The following UBE2E1 variants were observed in gnomAD, a reference collection of about 807,000 sequenced individuals.
UBE2E1 encodes ubiquitin conjugating enzyme E2 E1, also known as ubiquitin-conjugating enzyme E2 E1.
In UBE2E1, 6 loss-of-function variants were observed where a neutral mutation model predicts 21.4. The observed-to-expected ratio is 0.28, with a 90% CI of 0.15 to 0.55. The LOEUF is 0.55. Among genes scored for constraint, UBE2E1 ranks in the 20% least tolerant of loss-of-function variants. UBE2E1 has a pLI of 0.93. For missense variants in UBE2E1, 142 were observed against 236.5 expected (o/e 0.60, Z 2.62); for synonymous variants, 87 against 82.7 (o/e 1.05, Z -0.28).
In UBE2E1 at chr3:23,816,893, G is replaced by A. The variant is rs1435895612; in HGVS notation, c.203+5383G>A. Among the ~76,000 whole-genome samples, 1 of 152,160 alleles carries A rather than the reference G, an allele frequency of 6.6e-6. No individual in the cohort carries two copies. Among genetic ancestry groups the A allele is most frequent in the Non-Finnish European group, 1.5e-5 (1 of 68,016 alleles). On this transcript the variant is annotated intron_variant, in intron 3 of 5. Coordinates refer to ENST00000306627, the MANE Select transcript of UBE2E1 (RefSeq NM_003341.5). This position sits in a 1 kb window ranked among gnomAD's most constrained non-coding sequence, Gnocchi z 4.8. Reference sequence around the variant, plus strand: ...TTAATGAATACAGTTTCTTTTTGAGGTGGTGAAAGTTTTGGAAATAATGGT... The same window carrying A: ...TTAATGAATACAGTTTCTTTTTGAGATGGTGAAAGTTTTGGAAATAATGGT...
chr3:23,880,228 C>A (rs1044367771), intron 3 of UBE2E1, among the ~76,000 whole-genome samples: 1 of 152,136 alleles, frequency 6.6e-6, no homozygotes, highest in Non-Finnish European at 1.5e-5. Flanking sequence ...ACTAAAAATA[C>A]AAAAATTAGC....
At chr3:23,881,217 TAGAA>T (rs1391462251) in intron 3 of UBE2E1, among the ~76,000 whole-genome samples, 2 of 152,220 alleles carry the variant, frequency 1.3e-5, no homozygotes. Flanking sequence ...GAATCCTTTA[TAGAA>T]AGAAGAAAAT....
Position 23,887,766 on chromosome 3 carries a change from TA to T in UBE2E1, c.336+70del. The T allele has an allele frequency of 6.5e-7, 1 of 1,533,382 alleles. No individual in the cohort carries two copies. Among genetic ancestry groups the T allele is most frequent in the Admixed American group, 2.3e-5 (1 of 44,050 alleles). 95.0% of individuals were successfully genotyped at this position (1,533,382 alleles called of 1,614,324 possible). ...AAGAGAGCAACTGTTGAGGTTTTTC[TA>T]AATTTAATTTTTAATCACAGAAACT... On this transcript the variant is annotated intron_variant, in intron 4 of 5. Transcript: ENST00000306627. The surrounding 1 kb of genome is among the most constrained non-coding windows in gnomAD (Gnocchi z 4.4).
chr3:23,851,715 TC>T (rs1700328510), intron 3 of UBE2E1, among the ~76,000 whole-genome samples: 1 of 152,018 alleles, frequency 6.6e-6, no homozygotes, highest in Admixed American at 6.6e-5. Flanking sequence ...GGTGGGAAGA[TC>T]AGTTGAGCCC....
At chr3:23,889,424 G>A (rs1559497171) in intron 5 of UBE2E1, 165 bp downstream of exon 5, 20 of 1,467,520 alleles carry the variant, frequency 1.4e-5, no homozygotes, top group Middle Eastern at 3.6e-4. Flanking sequence ...TCTACTAGTT[G>A]AGACACACAA....
chr3:23,820,266 C>T (rs1699618848), intron 3 of UBE2E1, among the ~76,000 whole-genome samples: 1 of 152,190 alleles, frequency 6.6e-6, no homozygotes, highest in Non-Finnish European at 1.5e-5. Context: ...TGCTTCTAAT[C>T]CTCTGGGAAA....
chr3:23,858,525 G>T (rs1700486956), intron 3 of UBE2E1, among the ~76,000 whole-genome samples: 1 of 152,016 alleles, frequency 6.6e-6, no homozygotes, highest in South Asian at 2.1e-4. Context: ...TCGCCATGTT[G>T]GTCAGGCTGG....
Position 23,876,913 on chromosome 3 carries a change from G to T in UBE2E1, c.204-10654G>T, listed in dbSNP as rs1157660996. Among the ~76,000 whole-genome samples the T allele has an allele frequency of 6.6e-6, 1 of 152,150 alleles. No individual in the cohort carries two copies. Among genetic ancestry groups the T allele is most frequent in the East Asian group, 1.9e-4 (1 of 5,200 alleles). ...TTAAAAATTAGCCAGGTGTGGTGATGCACGCCTGTAATCCTAGCAACTCAG... is the reference window on the plus strand; with the variant it reads ...TTAAAAATTAGCCAGGTGTGGTGATTCACGCCTGTAATCCTAGCAACTCAG... On this transcript the variant is annotated intron_variant, in intron 3 of 5. Coordinates refer to ENST00000306627, the MANE Select transcript of UBE2E1 (RefSeq NM_003341.5). The surrounding 1 kb of genome is among the most constrained non-coding windows in gnomAD (Gnocchi z 4.3).
At chr3:23,845,200 T>C (rs1163170375) in intron 3 of UBE2E1, among the ~76,000 whole-genome samples, 1 of 152,180 alleles carries the variant, frequency 6.6e-6, no homozygotes, top group Non-Finnish European at 1.5e-5. Context: ...GACAATAAAC[T>C]AAAGCAAATT....
chr3:23,824,244 T>G (rs936193547), intron 3 of UBE2E1, among the ~76,000 whole-genome samples: 1 of 152,198 alleles, frequency 6.6e-6, no homozygotes, highest in Non-Finnish European at 1.5e-5. Context: ...AGCCCAGACT[T>G]ATTTGTTATG....
chr3:23,869,934 T>C (rs1559490571), intron 3 of UBE2E1, among the ~76,000 whole-genome samples: 1 of 152,220 alleles, frequency 6.6e-6, no homozygotes, highest in East Asian at 1.9e-4. Context: ...CAAAAACCAC[T>C]ATTTTTTATT....
rs138969433 is a variant in UBE2E1, at chr3:23,854,982, T to A, written c.204-32585T>A. Among the ~76,000 whole-genome samples, 729 of 152,334 alleles carry A rather than the reference T, an allele frequency of 4.8e-3. 2 individuals are homozygous for A. The highest frequency in any genetic ancestry group is 0.016 in the African/African-American group (683 of 41,574). On this transcript the variant is annotated intron_variant, in intron 3 of 5. Transcript: ENST00000306627. The stretch of plus-strand genomic sequence containing the variant: ...ACTGACAGGTTAGGATTCTCAAGTG[T>A]AATTTTTTATTACTTTAGAGCCGTA...
Position 23,823,403 on chromosome 3 carries a change from T to C in UBE2E1, c.203+11893T>C. ...TTGGAATCACAAAAGCATTAGGTGC[T>C]GAACTGCCAGAGACAAGCAACAAAT... On this transcript the variant is annotated intron_variant, in intron 3 of 5. Transcript: ENST00000306627. This position sits in a 1 kb window ranked among gnomAD's most constrained non-coding sequence, Gnocchi z 4.2. Among the ~76,000 whole-genome samples the C allele has an allele frequency of 6.6e-6, 1 of 152,236 alleles. No individual in the cohort carries two copies. Among genetic ancestry groups the C allele is most frequent in the East Asian group, 1.9e-4 (1 of 5,200 alleles).
chr3:23,807,350 C>T lies in UBE2E1; in HGVS notation c.81C>T (p.Asn27=). The change falls in exon 2 of 6, where the codon AAC becomes AAT. Residue 27 remains asparagine, a synonymous_variant. Coordinates refer to ENST00000306627, the MANE Select transcript of UBE2E1 (RefSeq NM_003341.5). Reference sequence around the variant, plus strand: ...ACCAGCAAACCGAGAAAGAAACAAACACCCCCAAGAAGAAGGAGAGTAAAG... The same window carrying T: ...ACCAGCAAACCGAGAAAGAAACAAATACCCCCAAGAAGAAGGAGAGTAAAG... The part of the protein sequence containing the change: ...SSNQQTEKET[N]TPKKKESKVS... 6.2e-7 allele frequency: 1 copy of T among 1,614,030 alleles called. No homozygotes were observed. The highest frequency in any genetic ancestry group is 8.5e-7 in the Non-Finnish European group (1 of 1,179,972).
chr3:23,835,732 C>CT (rs912874770), intron 3 of UBE2E1, among the ~76,000 whole-genome samples: 10 of 152,224 alleles, frequency 6.6e-5, no homozygotes, highest in African/African-American at 1.7e-4. Flanking sequence ...CTCCTCCCCC[C>CT]TTTTTTTAGA....
intron 3 of UBE2E1, among the ~76,000 whole-genome samples, chr3:23,825,313 G>A (rs1699732274): frequency 6.6e-6 from 1 of 152,204 alleles, no homozygotes; most frequent in African/African-American, 2.4e-5. Context: ...GCTTTGGTCT[G>A]TGCCTGCCCT....
intron 4 of UBE2E1, among the ~76,000 whole-genome samples, chr3:23,888,433 TTTTAC>T (rs1421589661): frequency 1.3e-5 from 2 of 152,174 alleles, no homozygotes; most frequent in Non-Finnish European, 2.9e-5. Flanking sequence ...TACAGGTAAT[TTTTAC>T]TTTGTGTTTT....
chr3:23,835,829 T>G (rs1169741050), intron 3 of UBE2E1, among the ~76,000 whole-genome samples: 1 of 152,238 alleles, frequency 6.6e-6, no homozygotes, highest in Non-Finnish European at 1.5e-5. Context: ...TGCATTAAAT[T>G]TCTCTGGATA....
intron 3 of UBE2E1, among the ~76,000 whole-genome samples, chr3:23,813,781 T>A (rs1016565228): frequency 1.3e-5 from 2 of 152,238 alleles, no homozygotes; most frequent in Admixed American, 1.3e-4. Flanking sequence ...GACCTTGTGA[T>A]CTGCCCGCCT....
Sources: allele counts gnomAD v4.1 joint callset (sites outside exome capture counted in the v4.1 genomes callset), GRCh38; gene constraint gnomAD v4.1.1; non-coding constraint Gnocchi (gnomAD v3.1); transcripts MANE v1.5; gene names NCBI Gene and HGNC (gene_info 2026-07-23, HGNC 2026-07-21).